CASKIN2: variants seen among roughly 807,000 people sequenced by gnomAD.
CASKIN2 encodes caskin-2.
A neutral mutation model predicts 107.1 loss-of-function variants in CASKIN2; 41 were observed. The ratio of observed to expected loss-of-function variants is 0.38; its 90% confidence interval spans 0.30 to 0.50. CASKIN2 has a LOEUF of 0.50. Ranked by LOEUF, CASKIN2 falls within the 20% of genes least tolerant of loss-of-function variation. The pLI, the probability that CASKIN2 is intolerant of heterozygous loss-of-function variation, is 0.92. For missense variants in CASKIN2, 1,546 were observed against 1,657.4 expected, an observed-to-expected ratio of 0.93 and a Z score of 1.17; for synonymous variants, 724 against 705.6, an observed-to-expected ratio of 1.03 and a Z score of -0.41.
chr17:75,503,810 T>C (rs1567993878), intron 15 of CASKIN2, 42 bp downstream of exon 15: 1 of 1,608,924 alleles, frequency 6.2e-7, no homozygotes, highest in Admixed American at 1.7e-5. Flanking sequence ...TGCTGGGCCC[T>C]CCCCCGCCCG....
In CASKIN2 at chr17:75,502,540, A is replaced by G. The variant is rs377451893; in HGVS notation, c.2534T>C (p.Val845Ala). ...RSALVRTSPSVTPTPARGTPR... is the reference protein window; with the variant it reads ...RSALVRTSPSATPTPARGTPR... Reference sequence around the variant, plus strand: ...AGTCCCCCGAGCTGGGGTTGGGGTCACACTAGGACTGGTCCGGACAAGGGC... The same window carrying G: ...AGTCCCCCGAGCTGGGGTTGGGGTCGCACTAGGACTGGTCCGGACAAGGGC... The change falls in exon 18 of 20, where the codon GTG becomes GCG. Residue 845 changes from valine (V) to alanine (A), a missense_variant. By Grantham distance (64) the Val-to-Ala change is moderately conservative. Coordinates refer to ENST00000321617, the MANE Select transcript of CASKIN2 (RefSeq NM_020753.5). The surrounding 1 kb of genome is among the most constrained non-coding windows in gnomAD (Gnocchi z 4.3). 2 of 1,510,346 alleles carry G rather than the reference A, an allele frequency of 1.3e-6. No homozygotes were observed. Among genetic ancestry groups the G allele is most frequent in the Non-Finnish European group, 1.8e-6 (2 of 1,123,786 alleles). The allele number at this position is 1,510,346 out of a possible 1,614,324, so 93.6% of individuals were successfully genotyped here.
intron 1 of CASKIN2, among the ~76,000 whole-genome samples, chr17:75,514,659 C>T (rs2147001289): frequency 6.6e-6 from 1 of 152,318 alleles, no homozygotes; most frequent in South Asian, 2.1e-4. Context: ...CCAGATTCCT[C>T]CCTACGGAGG....
Position 75,501,168 on chromosome 17 carries a change from G to T in CASKIN2, c.3521C>A (p.Thr1174Asn). 6.3e-7 allele frequency: 1 copy of T among 1,584,386 alleles called. No homozygotes were observed. The highest frequency in any genetic ancestry group is 8.6e-7 in the Non-Finnish European group (1 of 1,165,272). The part of the protein sequence containing the change: ...KSIGTKEQEG[T>N]PSASTKHILD... ...AATGTGCTTGGTGGAGGCGCTGGGG[G>T]TGCTGCAGCAAGGGGAAGGATGCGG... The change falls in exon 20 of 20, where the codon ACC (threonine) becomes AAC (asparagine). Residue 1174 changes from threonine to asparagine, a missense_variant and splice_region_variant. Around this residue, in one of 6 missense-constraint regions of CASKIN2, gnomAD observed 1,311 missense variants for 1,311.0 expected, o/e 1.00. Transcript: ENST00000321617.
chr17:75,509,104 T>C (rs562251932), intron 2 of CASKIN2, among the ~76,000 whole-genome samples: 8 of 152,356 alleles, frequency 5.3e-5, no homozygotes, highest in Middle Eastern at 3.4e-3. Context: ...GAGATGTCCA[T>C]GCCCTGGACA....
At chr17:75,508,566 C>T (rs570880308) in intron 2 of CASKIN2, among the ~76,000 whole-genome samples, 12 of 152,316 alleles carry the variant, frequency 7.9e-5, no homozygotes, top group Admixed American at 2.0e-4. Context: ...GGGACTGGCA[C>T]GATGTGCCCT....
At chr17:75,507,527 T>C in intron 4 of CASKIN2, 57 bp downstream of exon 4, 1 of 1,283,562 alleles carries the variant, frequency 7.8e-7, no homozygotes, top group East Asian at 2.3e-5. Flanking sequence ...GGTCCCAGGG[T>C]CTGGGTAGGG....
intron 2 of CASKIN2, chr17:75,509,785 A>G: frequency 1.0e-6 from 1 of 985,566 alleles, no homozygotes; most frequent in East Asian, 1.1e-4. Context: ...GCACCCTTCA[A>G]GCTGCCCACT....
chr17:75,505,036 T>A lies in CASKIN2; in HGVS notation c.968A>T (p.His323Leu). 6.7e-7 allele frequency: 1 copy of A among 1,493,032 alleles called. No homozygotes were observed. Among genetic ancestry groups the A allele is most frequent in the Non-Finnish European group, 9.0e-7 (1 of 1,107,384 alleles). The allele number at this position is 1,493,032 out of a possible 1,614,324, so 92.5% of individuals were successfully genotyped here. ...TGTGCCCCTCTGGCTCTCGTGGATGTGGCCCTTCCAGCGGCCGTCGGGATG... is the reference window on the plus strand; with the variant it reads ...TGTGCCCCTCTGGCTCTCGTGGATGAGGCCCTTCCAGCGGCCGTCGGGATG... ...EQHPDGRWKG[H>L]IHESQRGTDR... is the part of the protein sequence containing the mutation. The change falls in exon 11 of 20, where the codon CAC (histidine) becomes CTC (leucine). Residue 323 changes from histidine (H) to leucine (L), a missense_variant. This residue lies in a region of CASKIN2 where 1,311 missense variants were observed against 1,311.0 expected (regional missense o/e 1.00). Transcript: ENST00000321617. This position sits in a 1 kb window ranked among gnomAD's most constrained non-coding sequence, Gnocchi z 5.1.
chr17:75,501,584 C>T lies in CASKIN2; in HGVS notation c.3402G>A (p.Glu1134=), dbSNP rs1313873454. The change falls in exon 19 of 20, where the codon GAG becomes GAA. Residue 1134 remains glutamate (E), a synonymous_variant. Transcript: ENST00000321617. ...GGCCTGGGCCCACAGTCCCAGTGCT[C>T]TCAGGCCGTGGAGGAGGCACTGGGC... ...GPRPVPPPRP[E]STGTVGPGQA... The T allele has an allele frequency of 1.2e-6, 2 of 1,609,564 alleles. No individual in the cohort carries two copies. The highest frequency in any genetic ancestry group is 1.7e-6 in the Non-Finnish European group (2 of 1,177,738).
rs567145472 is a variant in CASKIN2 at position 75,500,735 on chromosome 17, G to A, written c.*345C>T. 31 of 310,600 alleles carry A rather than the reference G, an allele frequency of 1.0e-4. 1 individual carries two copies. Among genetic ancestry groups the A allele is most frequent in the African/African-American group, 1.6e-4 (7 of 44,934 alleles). 19.2% of individuals were successfully genotyped at this position (310,600 alleles called of 1,614,324 possible). On this transcript the variant is annotated 3_prime_UTR_variant, in exon 20 of 20. Transcript: ENST00000321617. Reference sequence around the variant, plus strand: ...CACAACTTGGGACATGGGCTGGGGGGTACAGAGAAAGCACCCCCAAAGCCC... The same window carrying A: ...CACAACTTGGGACATGGGCTGGGGGATACAGAGAAAGCACCCCCAAAGCCC...
At chr17:75,501,370 A>G (rs1371162982) in intron 19 of CASKIN2, 98 bp downstream of exon 19, 11 of 1,380,712 alleles carry the variant, frequency 8.0e-6, no homozygotes, top group South Asian at 1.3e-5. Flanking sequence ...TAGTGCCTGC[A>G]ATGTCCCCCT....
chr17:75,515,216 G>T (rs1019386588), intron 1 of CASKIN2, 185 bp downstream of exon 1: 1 of 152,740 alleles, frequency 6.5e-6, no homozygotes, highest in Non-Finnish European at 1.5e-5. Flanking sequence ...GCCCACCGGG[G>T]AACAAAGCGG....
At position 75,502,160 on chromosome 17, in the gene CASKIN2, G is replaced by A; in HGVS notation, c.2914C>T (p.Arg972Ter). The change falls in exon 18 of 20, where the codon CGA becomes TGA. Residue 972 changes from arginine (R) to a stop codon, truncating the protein, a stop_gained. Coordinates refer to ENST00000321617, the MANE Select transcript of CASKIN2 (RefSeq NM_020753.5). LOFTEE classifies it high-confidence loss of function. The surrounding 1 kb of genome is among the most constrained non-coding windows in gnomAD (Gnocchi z 4.3). ...QRPKPAGPPP[R>*]ETPVPPGLDF... ...AGGCCGGGGGGCACGGGTGTCTCTC[G>A]GGGCGGGGGGCCAGCGGGCTTCGGG... 1 of 1,601,208 alleles carries A rather than the reference G, an allele frequency of 6.2e-7. No individual in the cohort carries two copies. The highest frequency in any genetic ancestry group is 8.5e-7 in the Non-Finnish European group (1 of 1,179,582).
At chr17:75,513,639 A>ACCCCCCC in intron 2 of CASKIN2, 72 bp downstream of exon 2, 1 of 827,812 alleles carries the variant, frequency 1.2e-6, no homozygotes, top group Non-Finnish European at 2.1e-6. Flanking sequence ...ACAGTGACCC[A>ACCCCCCC]CCCCCACCCA....
intron 1 of CASKIN2, among the ~76,000 whole-genome samples, chr17:75,514,922 A>G (rs1442388870): frequency 6.6e-6 from 1 of 151,148 alleles, no homozygotes. Flanking sequence ...TGAAGCCCAG[A>G]CCCTGGACTC....
chr17:75,514,775 A>G (rs1321330795), intron 1 of CASKIN2, among the ~76,000 whole-genome samples: 2 of 152,180 alleles, frequency 1.3e-5, no homozygotes, highest in Non-Finnish European at 2.9e-5. Flanking sequence ...TCTGCCTGCT[A>G]GAGAGGGAAG....
At position 75,503,694 on chromosome 17, in the gene CASKIN2, G is replaced by A; in HGVS notation, c.1645C>T (p.Leu549Phe). 6.2e-7 allele frequency: 1 copy of A among 1,612,476 alleles called. No homozygotes were observed. The highest frequency in any genetic ancestry group is 8.5e-7 in the Non-Finnish European group (1 of 1,180,012). Residue 549 changes from leucine to phenylalanine, a missense_variant, in exon 16 of 20, where the codon CTC (leucine) becomes TTC (phenylalanine). Leu to Phe is a conservative substitution (Grantham distance 22). This residue lies in a region of CASKIN2 where 1,311 missense variants were observed against 1,311.0 expected (regional missense o/e 1.00). Transcript: ENST00000321617. Reference sequence around the variant, plus strand: ...CTGGGCAGCCACTCGGCGATGCTGAGCTGAGCGATCTCTGAGGCGATCTTC... The same window carrying A: ...CTGGGCAGCCACTCGGCGATGCTGAACTGAGCGATCTCTGAGGCGATCTTC... ...RKKIASEIAQ[L>F]SIAEWLPSYI...
Position 75,502,559 on chromosome 17 carries a change from C to A in CASKIN2, c.2515G>T (p.Val839Phe). The A allele has an allele frequency of 1.3e-6, 2 of 1,571,320 alleles. No homozygotes were observed. Among genetic ancestry groups the A allele is most frequent in the South Asian group, 2.3e-5 (2 of 85,822 alleles). ...GGGGTCACACTAGGACTGGTCCGGA[C>A]AAGGGCACTGCGTCCTGGCCGCCGG... ...LTRRPGRSAL[V>F]RTSPSVTPTP... The change falls in exon 18 of 20, where the codon GTC (valine) becomes TTC (phenylalanine). Residue 839 changes from valine (V) to phenylalanine (F), a missense_variant. Coordinates refer to ENST00000321617, the MANE Select transcript of CASKIN2 (RefSeq NM_020753.5). This position sits in a 1 kb window ranked among gnomAD's most constrained non-coding sequence, Gnocchi z 4.3.
chr17:75,508,330 C>G, intron 2 of CASKIN2, 45 bp from the exon 3 acceptor site: 1 of 1,595,714 alleles, frequency 6.3e-7, no homozygotes, highest in Non-Finnish European at 8.6e-7. Context: ...GATGACTGCC[C>G]TCACTCAGCA....
Sources: allele counts gnomAD v4.1 joint callset (sites outside exome capture counted in the v4.1 genomes callset), GRCh38; gene constraint gnomAD v4.1.1; regional missense constraint gnomAD v4.1.1; non-coding constraint Gnocchi (gnomAD v3.1); transcripts MANE v1.5; gene names NCBI Gene and HGNC (gene_info 2026-07-23, HGNC 2026-07-21).